The following UHRF2 variants were observed in gnomAD, a reference collection of about 807,000 sequenced individuals.
UHRF2 encodes the protein E3 ubiquitin-protein ligase UHRF2.
UHRF2 carries 23 observed loss-of-function variants against 96.8 expected under a neutral mutation model. The observed-to-expected ratio is 0.24, with a 90% CI of 0.17 to 0.34. UHRF2 has a LOEUF of 0.34. Among genes scored for constraint, UHRF2 ranks in the 10% least tolerant of loss-of-function variants. UHRF2 has a pLI of 1.00. For missense variants in UHRF2, 685 were observed against 981.5 expected (o/e 0.70, Z 4.04); for synonymous variants, 385 against 332.6 (o/e 1.16, Z -1.72).
chr9:6,465,367 G>T (rs538897938), intron 4 of UHRF2, among the ~76,000 whole-genome samples: 1 of 152,086 alleles, frequency 6.6e-6, no homozygotes, highest in African/African-American at 2.4e-5. Context: ...TCTTTCTTAC[G>T]GTAGAGTTTT....
chr9:6,481,359 A>G (rs1298041617), intron 6 of UHRF2, among the ~76,000 whole-genome samples: 2 of 152,180 alleles, frequency 1.3e-5, no homozygotes, highest in African/African-American at 2.4e-5. Context: ...AGGGTTAGTG[A>G]TAAGTTTAGA....
chr9:6,472,314 G>A (rs932485891), intron 4 of UHRF2, among the ~76,000 whole-genome samples: 3 of 152,164 alleles, frequency 2.0e-5, no homozygotes, highest in African/African-American at 4.8e-5. Context: ...ATAAGCGAAA[G>A]GATCGATGTT....
At chr9:6,485,048 C>G (rs1452923579) in intron 8 of UHRF2, among the ~76,000 whole-genome samples, 2 of 151,494 alleles carry the variant, frequency 1.3e-5, no homozygotes, top group Non-Finnish European at 2.9e-5. Context: ...CCGCCTTGGC[C>G]TCCCAAAGTG....
intron 8 of UHRF2, among the ~76,000 whole-genome samples, chr9:6,482,986 G>A (rs1266512115): frequency 6.6e-6 from 1 of 152,008 alleles, no homozygotes; most frequent in African/African-American, 2.4e-5. Context: ...TCGGGGATTG[G>A]TTCCAAGATC....
At chr9:6,484,073 CT>C (rs1002624016) in intron 8 of UHRF2, among the ~76,000 whole-genome samples, 724 of 135,348 alleles carry the variant, frequency 5.3e-3, no homozygotes, top group Admixed American at 5.8e-3. Context: ...TTCTTTCTTT[CT>C]TTTTTTTTTT....
chr9:6,455,473 CT>C (rs374502598), intron 3 of UHRF2, among the ~76,000 whole-genome samples: 1,815 of 152,238 alleles, frequency 0.012, 29 homozygotes, highest in African/African-American at 0.037. Flanking sequence ...TGCACTTATC[CT>C]TTTTTATGGC....
chr9:6,425,199 T>G (rs1349830942), intron 2 of UHRF2, among the ~76,000 whole-genome samples: 1 of 152,190 alleles, frequency 6.6e-6, no homozygotes, highest in African/African-American at 2.4e-5. Flanking sequence ...TATTTAAAAT[T>G]ACTCAACATG....
intron 3 of UHRF2, 78 bp from the exon 4 acceptor site, chr9:6,460,495 A>G (rs1467101624): frequency 7.2e-6 from 9 of 1,245,764 alleles, no homozygotes; most frequent in Non-Finnish European, 8.9e-6. Flanking sequence ...AACTCAGCAA[A>G]TTAGGTTTTT....
intron 4 of UHRF2, among the ~76,000 whole-genome samples, chr9:6,469,701 C>CATAT (rs750086912): frequency 3.3e-4 from 49 of 148,642 alleles, no homozygotes; most frequent in African/African-American, 1.1e-3. Context: ...CACGTATATA[C>CATAT]ATACATATAC....
At chr9:6,458,046 C>G (rs1587823049) in intron 3 of UHRF2, among the ~76,000 whole-genome samples, 1 of 152,272 alleles carries the variant, frequency 6.6e-6, no homozygotes, top group Non-Finnish European at 1.5e-5. Context: ...AGGAGTCCCT[C>G]TTTTCCTGTT....
At chr9:6,453,729 C>T (rs1211549094) in intron 3 of UHRF2, among the ~76,000 whole-genome samples, 1 of 151,918 alleles carries the variant, frequency 6.6e-6, no homozygotes, top group Non-Finnish European at 1.5e-5. Context: ...ATGGTGAAAC[C>T]CCGTCTCTAC....
chr9:6,488,721 G>C (rs1407649117), intron 9 of UHRF2, among the ~76,000 whole-genome samples: 1 of 150,948 alleles, frequency 6.6e-6, no homozygotes, highest in African/African-American at 2.4e-5. Context: ...AGGCTAGTCT[G>C]GAACTCCTGG....
chr9:6,477,296 G>GGGCAGATC (rs1563789889), intron 5 of UHRF2, among the ~76,000 whole-genome samples: 1 of 151,610 alleles, frequency 6.6e-6, no homozygotes, highest in Non-Finnish European at 1.5e-5. Context: ...AGGTTGAGGC[G>GGGCAGATC]GGCAGATCAC....
chr9:6,492,451 G>A (rs1034912559), intron 9 of UHRF2: 1 of 758,852 alleles, frequency 1.3e-6, no homozygotes, highest in African/African-American at 1.9e-5. Context: ...TAAAGATTAA[G>A]TTTCGTAATA....
At chr9:6,495,082 CA>C (rs1276344080) in intron 10 of UHRF2, 1 of 152,108 alleles carries the variant, frequency 6.6e-6, no homozygotes, top group Non-Finnish European at 1.5e-5. Flanking sequence ...CTCAAATTTG[CA>C]AAAGGACTCT....
chr9:6,488,205 C>T lies in UHRF2; in HGVS notation c.1497+1280C>T, dbSNP rs748058524. On this transcript the variant is annotated intron_variant, in intron 9 of 15. Transcript: ENST00000276893. ...CTGTAGTGAGCCATGATCATGCCAG[C>T]GCAGCACTCCAGCCTGGGTGAACAG... is the stretch of plus-strand genomic sequence containing the variant. Among the ~76,000 whole-genome samples the T allele has an allele frequency of 4.0e-5, 5 of 125,192 alleles. No individual in the cohort carries two copies. In the East Asian group the frequency reaches 1.0e-3, roughly 25 times the overall value. The allele number at this position is 125,192 out of a possible 152,430, so 82.1% of individuals were successfully genotyped here.
At chr9:6,422,658 G>A (rs915473084) in intron 2 of UHRF2, 9 of 652,026 alleles carry the variant, frequency 1.4e-5, no homozygotes, top group Non-Finnish European at 2.6e-5. Context: ...CACCCAGGCT[G>A]TAGTGCAGTG....
chr9:6,427,518 C>A (rs978264948), intron 2 of UHRF2, among the ~76,000 whole-genome samples: 23 of 152,026 alleles, frequency 1.5e-4, no homozygotes, highest in African/African-American at 5.6e-4. Flanking sequence ...GAAACTCCGT[C>A]TCTACTGAAA....
chr9:6,453,139 C>T (rs982760797), intron 3 of UHRF2, among the ~76,000 whole-genome samples: 2 of 152,094 alleles, frequency 1.3e-5, no homozygotes, highest in African/African-American at 4.8e-5. Flanking sequence ...ATAATTCTCT[C>T]CTGAGTTTGT....
Sources: allele counts gnomAD v4.1 joint callset (sites outside exome capture counted in the v4.1 genomes callset), GRCh38; gene constraint gnomAD v4.1.1; transcripts MANE v1.5; gene names NCBI Gene and HGNC (gene_info 2026-07-23, HGNC 2026-07-21).